KHDRBS3: variants seen among roughly 807,000 people sequenced by gnomAD.
KHDRBS3 encodes KH RNA binding domain containing, signal transduction associated 3.
In KHDRBS3, 23 loss-of-function variants were observed where a neutral mutation model predicts 45.6. The observed-to-expected ratio is 0.50, with a 90% confidence interval of 0.36 to 0.72. The LOEUF (loss-of-function observed/expected upper bound fraction) is 0.72. Ranked by LOEUF, KHDRBS3 falls within the 30% of genes least tolerant of loss-of-function variation. The pLI, the probability that KHDRBS3 is intolerant of heterozygous loss-of-function variation, is 0.00. For missense variants in KHDRBS3, 352 were observed against 424.8 expected (o/e 0.83, Z 1.51); for synonymous variants, 162 against 156.5 (o/e 1.04, Z -0.26).
chr8:135,522,873 CA>C (rs1376930948), intron 2 of KHDRBS3, among the ~76,000 whole-genome samples: 1 of 152,060 alleles, frequency 6.6e-6, no homozygotes, highest in East Asian at 1.9e-4. Flanking sequence ...TCTTTTTTCC[CA>C]TATGGTTATC....
At chr8:135,501,416 T>C (rs1229797644) in intron 1 of KHDRBS3, among the ~76,000 whole-genome samples, 1 of 152,216 alleles carries the variant, frequency 6.6e-6, no homozygotes, top group African/African-American at 2.4e-5. Flanking sequence ...GCGTATTGTT[T>C]CTATGAGTTG....
intron 6 of KHDRBS3, 39 bp downstream of exon 6, chr8:135,582,112 T>C (rs764523213): frequency 1.5e-5 from 22 of 1,483,662 alleles, no homozygotes; most frequent in Non-Finnish European, 2.0e-5. Flanking sequence ...GTTCATCAGA[T>C]TGACTTAATC....
intron 1 of KHDRBS3, among the ~76,000 whole-genome samples, chr8:135,462,313 A>G (rs916335374): frequency 2.7e-5 from 4 of 150,202 alleles, no homozygotes; most frequent in African/African-American, 5.0e-5. Context: ...ACAGTGTATT[A>G]TGATTAAAAG....
chr8:135,534,122 C>T (rs1264862057), intron 2 of KHDRBS3, among the ~76,000 whole-genome samples: 1 of 152,114 alleles, frequency 6.6e-6, no homozygotes, highest in African/African-American at 2.4e-5. Flanking sequence ...TTTATATCCT[C>T]CTTTTTACTT....
intron 1 of KHDRBS3, among the ~76,000 whole-genome samples, chr8:135,466,860 G>A (rs866970735): frequency 3.9e-5 from 6 of 152,176 alleles, no homozygotes; most frequent in African/African-American, 1.4e-4. Context: ...TTGTTGAATT[G>A]CTGAGTTGAC....
intron 5 of KHDRBS3, 110 bp downstream of exon 5, chr8:135,557,697 C>A: frequency 1.3e-6 from 1 of 782,816 alleles, no homozygotes; most frequent in Non-Finnish European, 2.1e-6. Flanking sequence ...TTCATGTGGG[C>A]ATGGTGGCAC....
rs764660109 is a variant in KHDRBS3 at position 135,645,050 on chromosome 8, C to T, written c.891-9C>T. ...ATTTTGTCCTTTGTTTTGTTTTGAT[C>T]ACTTGCAGTGGTGCTGATTACTATG... On this transcript the variant is annotated splice_polypyrimidine_tract_variant and intron_variant, in intron 7 of 8. Transcript: ENST00000355849. 1 of 1,612,408 alleles carries T rather than the reference C, an allele frequency of 6.2e-7. No homozygotes were observed. The highest frequency in any genetic ancestry group is 1.7e-5 in the Admixed American group (1 of 59,996).
chr8:135,597,179 T>C (rs1043993374), intron 6 of KHDRBS3, among the ~76,000 whole-genome samples: 2 of 152,126 alleles, frequency 1.3e-5, no homozygotes, highest in South Asian at 4.2e-4. Flanking sequence ...TGGTGCCTCT[T>C]GCAGTGTCCC....
chr8:135,638,009 G>A (rs1830889995), intron 7 of KHDRBS3, among the ~76,000 whole-genome samples: 1 of 151,962 alleles, frequency 6.6e-6, no homozygotes, highest in African/African-American at 2.4e-5. Flanking sequence ...AAAGATTCCT[G>A]AGAAAGAGGA....
intron 4 of KHDRBS3, chr8:135,549,501 T>G (rs1321687179): frequency 6.6e-6 from 1 of 152,236 alleles, no homozygotes; most frequent in African/African-American, 2.4e-5. Context: ...TTCAGACACC[T>G]TCACATTGCT....
intron 5 of KHDRBS3, among the ~76,000 whole-genome samples, chr8:135,580,415 AT>A (rs1322738991): frequency 6.6e-6 from 1 of 152,184 alleles, no homozygotes. Flanking sequence ...TATTGATTAA[AT>A]TTATTTAATA....
chr8:135,529,398 G>A (rs1825353800), intron 2 of KHDRBS3, among the ~76,000 whole-genome samples: 1 of 152,202 alleles, frequency 6.6e-6, no homozygotes, highest in Admixed American at 6.5e-5. Context: ...GTATTGTGGA[G>A]GGAATTAAAA....
At chr8:135,543,639 T>C (rs1419736817) in intron 3 of KHDRBS3, among the ~76,000 whole-genome samples, 1 of 152,218 alleles carries the variant, frequency 6.6e-6, no homozygotes, top group Non-Finnish European at 1.5e-5. Flanking sequence ...GTGAAACATG[T>C]TACATGCATT....
chr8:135,488,271 A>G (rs1418738775), intron 1 of KHDRBS3, among the ~76,000 whole-genome samples: 4 of 152,224 alleles, frequency 2.6e-5, no homozygotes, highest in Non-Finnish European at 5.9e-5. Context: ...CAGAAACAGA[A>G]CTAAGCGGGG....
intron 1 of KHDRBS3, among the ~76,000 whole-genome samples, chr8:135,483,251 A>G (rs1394923806): frequency 6.6e-6 from 1 of 152,240 alleles, no homozygotes; most frequent in African/African-American, 2.4e-5. Flanking sequence ...TACATTAAAC[A>G]TGTGGCACAG....
At chr8:135,476,905 A>AATTG (rs1420821944) in intron 1 of KHDRBS3, among the ~76,000 whole-genome samples, 6 of 152,230 alleles carry the variant, frequency 3.9e-5, no homozygotes, top group African/African-American at 1.4e-4. Flanking sequence ...TTTTACCAGC[A>AATTG]ATTGATATAG....
chr8:135,580,270 G>GT (rs2130919027), intron 5 of KHDRBS3, among the ~76,000 whole-genome samples: 1 of 152,312 alleles, frequency 6.6e-6, no homozygotes, highest in South Asian at 2.1e-4. Context: ...CACAGATTGG[G>GT]TTAGGAAGTG....
At chr8:135,655,637 A>C (rs367790606) in intron 4 of KHDRBS3, among the ~76,000 whole-genome samples, 1 of 152,210 alleles carries the variant, frequency 6.6e-6, no homozygotes, top group African/African-American at 2.4e-5. Context: ...TTGTGGTATC[A>C]AACACTTACC....
intron 2 of KHDRBS3, among the ~76,000 whole-genome samples, chr8:135,529,830 G>A (rs1272789150): frequency 6.6e-6 from 1 of 152,130 alleles, no homozygotes; most frequent in Non-Finnish European, 1.5e-5. Flanking sequence ...GGAGGCTGAG[G>A]CGGGCAGATC....
Sources: gnomAD v4.1 joint callset for allele counts (sites outside exome capture counted in the v4.1 genomes callset) on GRCh38, gnomAD v4.1.1 for gene constraint, MANE v1.5 for transcripts, NCBI Gene and HGNC (gene_info 2026-07-23, HGNC 2026-07-21) for gene names.